The following MRTFA variants were observed in gnomAD, a reference collection of about 807,000 sequenced individuals.
The protein encoded by MRTFA is myocardin-related transcription factor A.
In MRTFA, 20 loss-of-function variants were observed where a neutral mutation model predicts 83.5. The ratio of observed to expected loss-of-function variants is 0.24; its 90% CI spans 0.17 to 0.35. The LOEUF (loss-of-function observed/expected upper bound fraction) is 0.35. Ranked by LOEUF, MRTFA falls within the 10% of genes least tolerant of loss-of-function variation. The pLI, the probability that MRTFA is intolerant of heterozygous loss-of-function variation, is 1.00. For synonymous variants in MRTFA, 659 were observed against 541.2 expected (o/e 1.22, Z -3.02); for missense variants, 1,200 against 1,224.7 (o/e 0.98, Z 0.30).
intron 1 of MRTFA, among the ~76,000 whole-genome samples, chr22:40,634,511 C>T (rs1308960250): frequency 6.6e-6 from 1 of 152,190 alleles, no homozygotes; most frequent in Non-Finnish European, 1.5e-5. Context: ...ACAGGAAAAG[C>T]TCCCTTGACT....
chr22:40,612,941 T>C lies in MRTFA; in HGVS notation c.-83-18206A>G, dbSNP rs1045782282. On this transcript the variant is annotated intron_variant, in intron 1 of 14. Transcript: ENST00000355630. ...CACCCTAGGTGACAGAGCAAGACCCTGGCCCAAAAACAACAATAACAAGGA... is the reference window on the plus strand; with the variant it reads ...CACCCTAGGTGACAGAGCAAGACCCCGGCCCAAAAACAACAATAACAAGGA... Among the ~76,000 whole-genome samples, 4 of 152,292 alleles carry C rather than the reference T, an allele frequency of 2.6e-5. No homozygotes were observed. The East Asian group carries it at 7.7e-4, about 29-fold the overall frequency.
At chr22:40,529,498 G>C (rs1025888573) in intron 3 of MRTFA, among the ~76,000 whole-genome samples, 2 of 152,016 alleles carry the variant, frequency 1.3e-5, no homozygotes, top group Non-Finnish European at 2.9e-5. Flanking sequence ...TGTATTTTTA[G>C]TAGAGATGGG....
At chr22:40,625,839 C>A (rs1435683806) in intron 1 of MRTFA, among the ~76,000 whole-genome samples, 1 of 152,064 alleles carries the variant, frequency 6.6e-6, no homozygotes, top group Non-Finnish European at 1.5e-5. Flanking sequence ...TAAAAACCCA[C>A]AACCTCTTTC....
chr22:40,540,547 T>G (rs1005696879), intron 3 of MRTFA, among the ~76,000 whole-genome samples: 1 of 152,058 alleles, frequency 6.6e-6, no homozygotes, highest in African/African-American at 2.4e-5. Flanking sequence ...TCCAGCACTT[T>G]GAGAGGCTGA....
At chr22:40,443,713 C>A (rs1364234433) in intron 4 of MRTFA, among the ~76,000 whole-genome samples, 1 of 152,158 alleles carries the variant, frequency 6.6e-6, no homozygotes, top group East Asian at 1.9e-4. Flanking sequence ...AGTTAGGAAT[C>A]TAGACTTCCA....
chr22:40,530,860 C>G (rs535204102), intron 3 of MRTFA, among the ~76,000 whole-genome samples: 3 of 152,262 alleles, frequency 2.0e-5, no homozygotes, highest in Non-Finnish European at 2.9e-5. Context: ...AATATAAGAA[C>G]AGATCTCAAA....
intron 3 of MRTFA, among the ~76,000 whole-genome samples, chr22:40,524,273 G>A (rs1179106666): frequency 1.3e-5 from 2 of 152,126 alleles, no homozygotes; most frequent in African/African-American, 4.8e-5. Flanking sequence ...TCCACCCTGG[G>A]CAGCAGAGTG....
At chr22:40,500,904 T>C (rs1259136967) in intron 3 of MRTFA, among the ~76,000 whole-genome samples, 3 of 150,604 alleles carry the variant, frequency 2.0e-5, no homozygotes, top group African/African-American at 4.9e-5. Flanking sequence ...CAATGAGCTG[T>C]TGGGCACACC....
chr22:40,447,979 G>A (rs1602257478), intron 4 of MRTFA, among the ~76,000 whole-genome samples: 1 of 152,300 alleles, frequency 6.6e-6, no homozygotes, highest in East Asian at 1.9e-4. Flanking sequence ...TATTGCTTGA[G>A]CCCAGGAGTT....
At chr22:40,512,549 C>T (rs2054685230) in intron 3 of MRTFA, among the ~76,000 whole-genome samples, 1 of 152,172 alleles carries the variant, frequency 6.6e-6, no homozygotes, top group African/African-American at 2.4e-5. Context: ...TATCCCTAAC[C>T]ATGAGAACCA....
intron 1 of MRTFA, among the ~76,000 whole-genome samples, chr22:40,622,569 G>A (rs1442397182): frequency 6.6e-6 from 1 of 152,020 alleles, no homozygotes; most frequent in Admixed American, 6.6e-5. Flanking sequence ...GACAAAAACA[G>A]TGCAGGAGAA....
At position 40,564,981 on chromosome 22, in the gene MRTFA, AT is replaced by A. The variant is rs560672154; in HGVS notation, c.-21-12615del. On this transcript the variant is annotated intron_variant, in intron 2 of 14. Transcript: ENST00000355630. ...TCTAACTTTATAATGCTGAGGGGCA[AT>A]CAGCTGTCCTCAGATTTAAAGACAC... Among the ~76,000 whole-genome samples, 134 of 152,302 alleles carry A rather than the reference AT, an allele frequency of 8.8e-4. 1 individual carries two copies. In the Middle Eastern group the frequency reaches 0.02, roughly 23 times the overall value.
chr22:40,615,368 G>T lies in MRTFA; in HGVS notation c.-83-20633C>A, dbSNP rs542856191. On this transcript the variant is annotated intron_variant, in intron 1 of 14. Transcript: ENST00000355630. ...TGACTGGTAAATACTGCATTGTCTT[G>T]ATTACTCTTGCTTTATAACAAGTTT... is the stretch of plus-strand genomic sequence containing the variant. Among the ~76,000 whole-genome samples, 26 of 152,246 alleles carry T rather than the reference G, an allele frequency of 1.7e-4. No individual in the cohort carries two copies. The South Asian group carries it at 2.5e-3, about 15-fold the overall frequency.
intron 3 of MRTFA, among the ~76,000 whole-genome samples, chr22:40,513,945 AT>A (rs554033200): frequency 5.7e-4 from 84 of 146,504 alleles, no homozygotes; most frequent in African/African-American, 7.0e-4. Context: ...TAAAGTAATA[AT>A]TTTTTTTTTT....
chr22:40,542,884 C>A (rs1178868085), intron 3 of MRTFA, among the ~76,000 whole-genome samples: 1 of 152,124 alleles, frequency 6.6e-6, no homozygotes, highest in African/African-American at 2.4e-5. Context: ...GGATATAAAC[C>A]ATATACTAAC....
chr22:40,587,774 A>C, intron 2 of MRTFA: 1 of 332,572 alleles, frequency 3.0e-6, no homozygotes, highest in Non-Finnish European at 6.0e-6. Flanking sequence ...AACTCTGGGA[A>C]TTTGAGACCC....
chr22:40,492,063 C>T (rs945160277), intron 3 of MRTFA, among the ~76,000 whole-genome samples: 6 of 152,084 alleles, frequency 3.9e-5, no homozygotes, highest in African/African-American at 1.4e-4. Context: ...GGACAATCCA[C>T]GAGAGTGGCA....
intron 3 of MRTFA, among the ~76,000 whole-genome samples, chr22:40,524,290 T>C (rs1051374678): frequency 1.3e-5 from 2 of 152,190 alleles, no homozygotes; most frequent in African/African-American, 2.4e-5. Context: ...AGTGAGACCC[T>C]GGCTCAAAAA....
chr22:40,544,952 A>AAAAT (rs945412735), intron 3 of MRTFA, among the ~76,000 whole-genome samples: 1 of 150,252 alleles, frequency 6.7e-6, no homozygotes. Context: ...ATAAATAAAT[A>AAAAT]AAATAAATAT....
Sources: gnomAD v4.1 joint callset for allele counts (sites outside exome capture counted in the v4.1 genomes callset) on GRCh38, gnomAD v4.1.1 for gene constraint, MANE v1.5 for transcripts, NCBI Gene and HGNC (gene_info 2026-07-23, HGNC 2026-07-21) for gene names.